TAFA1: variants seen among roughly 807,000 people sequenced by gnomAD.
TAFA1 encodes chemokine-like protein TAFA-1.
Under a neutral mutation model 18.5 loss-of-function variants are expected in TAFA1, and 4 were observed. That is an observed-to-expected ratio of 0.22 (90% confidence interval 0.11 to 0.49). The LOEUF is 0.49. TAFA1 is among the 20% of genes least tolerant of loss of function. TAFA1 has a pLI of 0.98. For missense variants in TAFA1, 147 were observed against 169.0 expected, an observed-to-expected ratio of 0.87 and a Z score of 0.72; for synonymous variants, 56 against 55.2, an observed-to-expected ratio of 1.01 and a Z score of -0.06.
At chr3:68,252,234 A>G (rs1335961090) in intron 2 of TAFA1, among the ~76,000 whole-genome samples, 1 of 152,100 alleles carries the variant, frequency 6.6e-6, no homozygotes, top group Non-Finnish European at 1.5e-5. Flanking sequence ...TGCTCCTGCT[A>G]CTATTCAGGT....
intron 2 of TAFA1, among the ~76,000 whole-genome samples, chr3:68,409,511 A>C (rs1012252026): frequency 1.5e-4 from 23 of 152,224 alleles, no homozygotes; most frequent in African/African-American, 5.3e-4. Context: ...CATTTTTAAG[A>C]AGGTACTTGC....
At chr3:68,399,067 A>G (rs1039637646) in intron 2 of TAFA1, among the ~76,000 whole-genome samples, 1 of 152,186 alleles carries the variant, frequency 6.6e-6, no homozygotes, top group Non-Finnish European at 1.5e-5. Context: ...TCTAATTTAC[A>G]TAACTTTAGA....
intron 2 of TAFA1, among the ~76,000 whole-genome samples, chr3:68,154,721 C>T (rs2065846782): frequency 6.6e-6 from 1 of 152,094 alleles, no homozygotes; most frequent in Admixed American, 6.6e-5. Context: ...GGGGCCCTGC[C>T]TTGGGGGTAG....
chr3:68,130,276 T>G (rs1033055267), intron 2 of TAFA1, among the ~76,000 whole-genome samples: 2 of 152,342 alleles, frequency 1.3e-5, no homozygotes, highest in Middle Eastern at 3.4e-3. Flanking sequence ...ATTAACTTTT[T>G]AATTATTTAA....
chr3:68,161,796 T>C (rs1435924873), intron 2 of TAFA1, among the ~76,000 whole-genome samples: 1 of 152,204 alleles, frequency 6.6e-6, no homozygotes, highest in African/African-American at 2.4e-5. Context: ...CTTATTGGCA[T>C]GGAGACTTGA....
chr3:68,311,857 G>T (rs186442287), intron 2 of TAFA1, among the ~76,000 whole-genome samples: 66 of 152,300 alleles, frequency 4.3e-4, no homozygotes, highest in African/African-American at 1.4e-3. Context: ...TCTGTGTGGA[G>T]CTGTGACCCT....
At chr3:68,117,665 G>C (rs999589149) in intron 2 of TAFA1, among the ~76,000 whole-genome samples, 1 of 152,130 alleles carries the variant, frequency 6.6e-6, no homozygotes, top group East Asian at 1.9e-4. Context: ...ATAGTTGATC[G>C]TAATTATATT....
At chr3:68,327,875 A>G (rs78363274) in intron 2 of TAFA1, among the ~76,000 whole-genome samples, 3,329 of 152,274 alleles carry the variant, frequency 0.022, 85 homozygotes, top group African/African-American at 0.061. Context: ...TGAAAAAGAT[A>G]TGGACCCAGG....
At chr3:68,324,207 GGA>G (rs1236018654) in intron 2 of TAFA1, among the ~76,000 whole-genome samples, 1 of 151,928 alleles carries the variant, frequency 6.6e-6, no homozygotes, top group African/African-American at 2.4e-5. Flanking sequence ...TACAGTTTGT[GGA>G]TTGTGTTTGT....
At chr3:68,321,496 A>G (rs1168261642) in intron 2 of TAFA1, among the ~76,000 whole-genome samples, 1 of 152,206 alleles carries the variant, frequency 6.6e-6, no homozygotes, top group East Asian at 1.9e-4. Flanking sequence ...CCAAGTACTC[A>G]AGACCTTTCT....
chr3:68,377,732 A>T (rs1407420183), intron 2 of TAFA1, among the ~76,000 whole-genome samples: 1 of 152,132 alleles, frequency 6.6e-6, no homozygotes, highest in African/African-American at 2.4e-5. Context: ...AAAAGTAACA[A>T]GTGGCCTCAA....
chr3:68,539,685 GCAT>G (rs200194660), intron 4 of TAFA1, among the ~76,000 whole-genome samples: 7,271 of 22,028 alleles, frequency 0.33, 877 homozygotes, highest in Admixed American at 0.46. Context: ...GTGTGGGGGG[GCAT>G]GGGGTGGGTG....
At chr3:68,000,841 G>C (rs547740320), upstream of TAFA1, among the ~76,000 whole-genome samples, 1 of 152,322 alleles carries the variant, frequency 6.6e-6, no homozygotes, top group Admixed American at 6.5e-5. Context: ...AGGTGGTAGT[G>C]ACTGATTGGA....
At chr3:68,292,612 G>A (rs924013323) in intron 2 of TAFA1, among the ~76,000 whole-genome samples, 3 of 152,076 alleles carry the variant, frequency 2.0e-5, no homozygotes, top group Admixed American at 6.6e-5. Context: ...CCACAGCCTC[G>A]AATTCCTGGG....
intron 2 of TAFA1, among the ~76,000 whole-genome samples, chr3:68,232,174 C>T (rs1354785558): frequency 1.3e-5 from 2 of 152,208 alleles, no homozygotes; most frequent in Admixed American, 1.3e-4. Context: ...CTCCTATCTA[C>T]TGTCATTTTG....
chr3:68,319,659 G>T (rs1379274939), intron 2 of TAFA1, among the ~76,000 whole-genome samples: 1 of 152,134 alleles, frequency 6.6e-6, no homozygotes, highest in Non-Finnish European at 1.5e-5. Flanking sequence ...TTCATTCTTG[G>T]CTTTGTCCTT....
intron 2 of TAFA1, among the ~76,000 whole-genome samples, chr3:68,365,118 T>C (rs1011372453): frequency 6.6e-6 from 1 of 152,184 alleles, no homozygotes; most frequent in South Asian, 2.1e-4. Context: ...TCATATACAC[T>C]AAGCAAGCAA....
intron 2 of TAFA1, among the ~76,000 whole-genome samples, chr3:68,054,355 C>T (rs911096699): frequency 6.6e-6 from 1 of 152,034 alleles, no homozygotes; most frequent in African/African-American, 2.4e-5. Context: ...CTGGCACCTC[C>T]CCTCCTCTCT....
At chr3:68,531,149 T>C (rs2073183464) in intron 3 of TAFA1, among the ~76,000 whole-genome samples, 1 of 152,176 alleles carries the variant, frequency 6.6e-6, no homozygotes, top group Non-Finnish European at 1.5e-5. Flanking sequence ...CTCTCCGGGC[T>C]TCAGTTTCAT....
Sources: allele counts gnomAD v4.1 joint callset (sites outside exome capture counted in the v4.1 genomes callset), GRCh38; gene constraint gnomAD v4.1.1; transcripts MANE v1.5; gene names NCBI Gene and HGNC (gene_info 2026-07-23, HGNC 2026-07-21).